Variants in KIAA1217 observed in about 807,000 individuals in gnomAD.
KIAA1217 encodes sickle tail protein homolog.
A neutral mutation model predicts 163.9 loss-of-function variants in KIAA1217; 88 were observed. The ratio of observed to expected loss-of-function variants is 0.54; its 90% CI spans 0.45 to 0.64. The LOEUF is 0.64. KIAA1217 is among the 30% of genes least tolerant of loss of function. The pLI is 0.00. For synonymous variants in KIAA1217, 903 were observed against 923.1 expected (o/e 0.98, Z 0.39); for missense variants, 2,372 against 2,475.0 (o/e 0.96, Z 0.88).
chr10:24,305,631 T>C (rs74122220), intron 2 of KIAA1217, among the ~76,000 whole-genome samples: 11,303 of 152,254 alleles, frequency 0.074, 1,451 homozygotes, highest in African/African-American at 0.26. Context: ...AGAAGCAAGA[T>C]GGAGTTAGTT....
chr10:24,315,863 G>A (rs1357219471), intron 2 of KIAA1217, among the ~76,000 whole-genome samples: 1 of 148,966 alleles, frequency 6.7e-6, no homozygotes, highest in Admixed American at 6.7e-5. Context: ...TTTGTTTTTT[G>A]TGATGACTTT....
chr10:24,183,025 T>C (rs2066253728), intron 2 of KIAA1217, among the ~76,000 whole-genome samples: 1 of 152,226 alleles, frequency 6.6e-6, no homozygotes, highest in Non-Finnish European at 1.5e-5. Flanking sequence ...GCCATTCTTG[T>C]CGTAGTGAAT....
intron 2 of KIAA1217, among the ~76,000 whole-genome samples, chr10:24,186,649 G>T (rs946672877): frequency 2.0e-5 from 3 of 152,082 alleles, no homozygotes; most frequent in Non-Finnish European, 4.4e-5. Context: ...CCACCACTTT[G>T]AGAGGCTGAG....
chr10:23,805,996 C>CAAAAAAAAAAAAAAAAAAAA (rs71397917), intron 1 of KIAA1217, among the ~76,000 whole-genome samples: 28 of 30,506 alleles, frequency 9.2e-4, no homozygotes, highest in South Asian at 5.4e-3. Context: ...AACTCCATCT[C>CAAAAAAAAAAAAAAAAAAAA]AAAAAAAAAA....
At chr10:24,175,541 A>C (rs2065840034) in intron 2 of KIAA1217, among the ~76,000 whole-genome samples, 1 of 152,068 alleles carries the variant, frequency 6.6e-6, no homozygotes, top group Non-Finnish European at 1.5e-5. Context: ...TGCAAATGCC[A>C]TTCATTCATT....
rs762282755 is a variant in KIAA1217 at position 24,524,358 on chromosome 10, C to A, written c.2492C>A (p.Ala831Glu). Residue 831 changes from alanine to glutamate, a missense_variant, in exon 13 of 21, where the codon GCA becomes GAA. By Grantham distance (107) the Ala-to-Glu change is moderately radical (BLOSUM62 -1). Around this residue, in one of 3 missense-constraint regions of KIAA1217, gnomAD observed 1,431 missense variants for 1,470.3 expected, o/e 0.97. Coordinates refer to ENST00000376454, the MANE Select transcript of KIAA1217 (RefSeq NM_019590.5). ...GATGGGCTCCTGAAAGGCACGGACG[C>A]AGCCCAAGCCGCACAGTACATGGCT... ...VTDGLLKGTD[A>E]AQAAQYMAME... The A allele has an allele frequency of 6.2e-7, 1 of 1,612,800 alleles. No individual in the cohort carries two copies. Among genetic ancestry groups the A allele is most frequent in the South Asian group, 1.1e-5 (1 of 91,058 alleles).
intron 2 of KIAA1217, among the ~76,000 whole-genome samples, chr10:24,138,281 A>G (rs1490677690): frequency 6.6e-6 from 1 of 152,072 alleles, no homozygotes; most frequent in Non-Finnish European, 1.5e-5. Flanking sequence ...CAGCCTCCCA[A>G]GTAACTGGGA....
At chr10:23,929,090 G>A (rs1843145426) in intron 1 of KIAA1217, among the ~76,000 whole-genome samples, 1 of 152,154 alleles carries the variant, frequency 6.6e-6, no homozygotes, top group South Asian at 2.1e-4. Context: ...TTATGCAGAG[G>A]CCAAATCAGG....
At chr10:24,322,648 A>G (rs748449532) in intron 2 of KIAA1217, among the ~76,000 whole-genome samples, 2 of 152,214 alleles carry the variant, frequency 1.3e-5, no homozygotes, top group Non-Finnish European at 2.9e-5. Context: ...TTTAAAAAAT[A>G]AATTCCATTT....
intron 2 of KIAA1217, among the ~76,000 whole-genome samples, chr10:24,013,433 TC>T (rs1356860342): frequency 6.6e-6 from 1 of 152,068 alleles, no homozygotes; most frequent in Non-Finnish European, 1.5e-5. Context: ...TATGCATTAA[TC>T]AGTGGACAAA....
chr10:23,703,986 C>G (rs1349401833), intron 1 of KIAA1217, among the ~76,000 whole-genome samples: 1 of 150,148 alleles, frequency 6.7e-6, no homozygotes, highest in Non-Finnish European at 1.5e-5. Flanking sequence ...TGTGGATCTT[C>G]ATTTGCTGAT....
At chr10:24,258,991 G>A (rs1032163948) in intron 2 of KIAA1217, among the ~76,000 whole-genome samples, 1 of 152,114 alleles carries the variant, frequency 6.6e-6, no homozygotes, top group Non-Finnish European at 1.5e-5. Context: ...AAAGCCCAGG[G>A]ATCAGGGGCA....
At chr10:23,908,614 C>A (rs1842285442) in intron 1 of KIAA1217, among the ~76,000 whole-genome samples, 1 of 152,242 alleles carries the variant, frequency 6.6e-6, no homozygotes, top group African/African-American at 2.4e-5. Context: ...CTCAGCTGAA[C>A]TCACAGTCCA....
chr10:24,333,285 A>G (rs995662379), intron 2 of KIAA1217, among the ~76,000 whole-genome samples: 1 of 152,142 alleles, frequency 6.6e-6, no homozygotes, highest in Non-Finnish European at 1.5e-5. Context: ...TCAGCCTCCC[A>G]AAGTGCTGGG....
At chr10:24,293,925 G>A (rs767898263) in intron 2 of KIAA1217, among the ~76,000 whole-genome samples, 5 of 152,188 alleles carry the variant, frequency 3.3e-5, no homozygotes, top group Non-Finnish European at 5.9e-5. Context: ...CGGGTGCGGT[G>A]GCTCACGCCT....
At chr10:24,225,027 G>T (rs890636692) in intron 2 of KIAA1217, among the ~76,000 whole-genome samples, 1 of 151,910 alleles carries the variant, frequency 6.6e-6, no homozygotes, top group African/African-American at 2.4e-5. Flanking sequence ...GGGGTTCACT[G>T]TGTTAGCCAG....
intron 2 of KIAA1217, among the ~76,000 whole-genome samples, chr10:24,192,735 T>G (rs1446345983): frequency 6.6e-6 from 1 of 152,184 alleles, no homozygotes; most frequent in Non-Finnish European, 1.5e-5. Flanking sequence ...ATGTCTGGGG[T>G]GGTGCTTACA....
intron 1 of KIAA1217, among the ~76,000 whole-genome samples, chr10:23,992,607 C>CTTTTTTT (rs368335847): frequency 7.8e-6 from 1 of 127,930 alleles, no homozygotes. Flanking sequence ...GCCATCATTT[C>CTTTTTTT]TTTTTTTTTT....
chr10:24,302,765 G>A (rs2041526393), intron 2 of KIAA1217, among the ~76,000 whole-genome samples: 1 of 152,158 alleles, frequency 6.6e-6, no homozygotes. Flanking sequence ...GACACTTTGA[G>A]CAGACACCAG....
Sources: allele counts gnomAD v4.1 joint callset (sites outside exome capture counted in the v4.1 genomes callset), GRCh38; gene constraint gnomAD v4.1.1; regional missense constraint gnomAD v4.1.1; transcripts MANE v1.5; gene names NCBI Gene and HGNC (gene_info 2026-07-23, HGNC 2026-07-21).